Variants in RPE65 observed in about 807,000 individuals in gnomAD.
RPE65 encodes the protein retinoid isomerohydrolase RPE65.
A neutral mutation model predicts 68.5 loss-of-function variants in RPE65; 58 were observed. The ratio of observed to expected loss-of-function variants is 0.85; its 90% CI spans 0.69 to 1.05. The LOEUF (loss-of-function observed/expected upper bound fraction) is 1.05. RPE65 is among the 50% of genes least tolerant of loss of function. The pLI is 0.00. For missense variants in RPE65, 643 were observed against 629.9 expected (o/e 1.02, Z -0.22); for synonymous variants, 220 against 222.2 (o/e 0.99, Z 0.09).
At chr1:68,439,694 T>A in intron 6 of RPE65, 52 bp from the exon 7 acceptor site, 1 of 1,403,440 alleles carries the variant, frequency 7.1e-7, no homozygotes, top group Non-Finnish European at 1.0e-6. Flanking sequence ...ATTTTTTTTT[T>A]AATACAAAGC....
chr1:68,442,303 A>C (rs1321644678), intron 5 of RPE65, among the ~76,000 whole-genome samples: 1 of 152,236 alleles, frequency 6.6e-6, no homozygotes, highest in Non-Finnish European at 1.5e-5. Flanking sequence ...GCAGGATGAC[A>C]GTGTATTCCA....
chr1:68,432,941 C>T (rs151316763), intron 10 of RPE65, among the ~76,000 whole-genome samples: 65 of 152,076 alleles, frequency 4.3e-4, no homozygotes, highest in African/African-American at 1.2e-3. Context: ...GGATATGGGA[C>T]GAGGAAGAGG....
chr1:68,437,806 T>C (rs1030041597), intron 10 of RPE65, among the ~76,000 whole-genome samples: 3 of 152,246 alleles, frequency 2.0e-5, no homozygotes, highest in African/African-American at 7.2e-5. Flanking sequence ...AGAGTACTTT[T>C]TGATGCTTCA....
At chr1:68,438,593 T>G (rs1194076866) in intron 9 of RPE65, among the ~76,000 whole-genome samples, 1 of 152,214 alleles carries the variant, frequency 6.6e-6, no homozygotes, top group African/African-American at 2.4e-5. Flanking sequence ...TGCTGTTGTC[T>G]TCTTAGTGAT....
chr1:68,435,382 T>A (rs1381431711), intron 10 of RPE65, among the ~76,000 whole-genome samples: 1 of 152,130 alleles, frequency 6.6e-6, no homozygotes, highest in Non-Finnish European at 1.5e-5. Context: ...TTTCCCCCCC[T>A]GCCTGCAGTC....
chr1:68,431,601 A>C lies in RPE65; in HGVS notation c.1129-16T>G. On this transcript the variant is annotated splice_polypyrimidine_tract_variant and intron_variant, in intron 10 of 13. Transcript: ENST00000262340. Reference sequence around the variant, plus strand: ...CTGTGTCAGCCTAGGAGAGAAGATAACAGAAACCTCAGTGAGCAGGAAAGA... The same window carrying C: ...CTGTGTCAGCCTAGGAGAGAAGATACCAGAAACCTCAGTGAGCAGGAAAGA... 6.2e-7 allele frequency: 1 copy of C among 1,600,284 alleles called. No homozygotes were observed.
chr1:68,434,811 A>C (rs957730067), intron 10 of RPE65, among the ~76,000 whole-genome samples: 2 of 151,820 alleles, frequency 1.3e-5, no homozygotes, highest in African/African-American at 4.8e-5. Flanking sequence ...TCTTTTCCTC[A>C]GGCTGGACTG....
At chr1:68,447,441 A>G (rs1055130858) in intron 2 of RPE65, among the ~76,000 whole-genome samples, 1 of 152,188 alleles carries the variant, frequency 6.6e-6, no homozygotes. Context: ...GATGTCAGGG[A>G]CATGACTTCT....
At chr1:68,441,490 G>C (rs1211296037) in intron 5 of RPE65, among the ~76,000 whole-genome samples, 1 of 151,940 alleles carries the variant, frequency 6.6e-6, no homozygotes, top group Non-Finnish European at 1.5e-5. Context: ...GCTTCATCTA[G>C]TATAGAAAGT....
intron 7 of RPE65, 50 bp from the exon 8 acceptor site, chr1:68,439,373 C>A: frequency 6.2e-7 from 1 of 1,609,936 alleles, no homozygotes; most frequent in Non-Finnish European, 8.5e-7. Flanking sequence ...GATTCTCAAG[C>A]CACAGACAAA....
At chr1:68,441,779 TTATC>T (rs1645903982) in intron 5 of RPE65, among the ~76,000 whole-genome samples, 1 of 152,062 alleles carries the variant, frequency 6.6e-6, no homozygotes, top group African/African-American at 2.4e-5. Context: ...GAATATATAT[TTATC>T]TAACCAAAAT....
At chr1:68,439,837 TAGC>T (rs1158862930) in intron 6 of RPE65, among the ~76,000 whole-genome samples, 195 bp from the exon 7 acceptor site, 2 of 152,202 alleles carry the variant, frequency 1.3e-5, no homozygotes, top group Non-Finnish European at 2.9e-5. Flanking sequence ...AAAATCCAAA[TAGC>T]AGCAGATTTG....
At chr1:68,440,751 T>C in intron 6 of RPE65, 102 bp downstream of exon 6, 2 of 1,457,378 alleles carry the variant, frequency 1.4e-6, no homozygotes, top group Non-Finnish European at 1.9e-6. Flanking sequence ...AATTTAACTA[T>C]GCACAAAATG....
At chr1:68,434,570 G>A (rs1241928941) in intron 10 of RPE65, among the ~76,000 whole-genome samples, 5 of 152,132 alleles carry the variant, frequency 3.3e-5, no homozygotes, top group African/African-American at 9.7e-5. Flanking sequence ...GGGAAGAAGC[G>A]AGGGGTGTGC....
At chr1:68,430,641 C>T (rs992331510) in intron 13 of RPE65, among the ~76,000 whole-genome samples, 1 of 151,722 alleles carries the variant, frequency 6.6e-6, no homozygotes, top group South Asian at 2.1e-4. Flanking sequence ...CCTAGCTTAC[C>T]GAAAGAACAA....
chr1:68,447,420 C>T (rs1442083401), intron 2 of RPE65, among the ~76,000 whole-genome samples: 3 of 152,148 alleles, frequency 2.0e-5, no homozygotes, highest in East Asian at 3.9e-4. Flanking sequence ...AGCAGAAAGT[C>T]CACAGGGTTG....
Position 68,439,073 on chromosome 1 carries a change from A to T in RPE65, c.867T>A (p.Leu289=), listed in dbSNP as rs1488186693. Residue 289 remains leucine, a synonymous_variant, in exon 9 of 14, where the codon CTT becomes CTA. Transcript: ENST00000262340. ...FESNETMGVW[L]HIADKKRKKY... ...TTTTCCTTTTTTTGTCAGCAATATG[A>T]AGCCAAACCTTGAAAAATGAGGAAA... The T allele has an allele frequency of 6.2e-7, 1 of 1,614,058 alleles. No individual in the cohort carries two copies. Among genetic ancestry groups the T allele is most frequent in the South Asian group, 1.1e-5 (1 of 91,080 alleles).
chr1:68,438,856 T>A, intron 9 of RPE65, 86 bp downstream of exon 9: 1 of 1,526,238 alleles, frequency 6.6e-7, no homozygotes, highest in Non-Finnish European at 9.1e-7. Context: ...TAGATGTGAT[T>A]CAGATTGAGT....
chr1:68,433,186 A>T (rs1456210669), intron 10 of RPE65, among the ~76,000 whole-genome samples: 1 of 152,228 alleles, frequency 6.6e-6, no homozygotes, highest in Non-Finnish European at 1.5e-5. Flanking sequence ...ATGTAAATGA[A>T]TAAGGCATGA....
Sources: allele counts gnomAD v4.1 joint callset (sites outside exome capture counted in the v4.1 genomes callset), GRCh38; gene constraint gnomAD v4.1.1; transcripts MANE v1.5; gene names NCBI Gene and HGNC (gene_info 2026-07-23, HGNC 2026-07-21).